FGD3: variants seen among roughly 807,000 people sequenced by gnomAD.
FGD3 encodes FYVE, RhoGEF and PH domain containing 3, also known as FYVE, RhoGEF and PH domain-containing protein 3.
FGD3 carries 45 observed loss-of-function variants against 71.8 expected under a neutral mutation model. The ratio of observed to expected loss-of-function variants is 0.63; its 90% CI spans 0.49 to 0.80. The LOEUF is 0.80. Ranked by LOEUF, FGD3 falls within the 30% of genes least tolerant of loss-of-function variation. FGD3 has a pLI of 0.00. For missense variants in FGD3, 844 were observed against 951.5 expected, an observed-to-expected ratio of 0.89 and a Z score of 1.49; for synonymous variants, 378 against 392.8, an observed-to-expected ratio of 0.96 and a Z score of 0.44.
In FGD3 at chr9:93,013,981, G is replaced by T; in HGVS notation, c.1165G>T (p.Asp389Tyr). The stretch of plus-strand genomic sequence containing the variant: ...GTCAGCCAAGAACGGCACCCCCCAG[G>T]ACCGCCACCTCTTCCTGGTGAGCCT... ...KLSAKNGTPQ[D>Y]RHLFLFNSMI... is the part of the protein sequence containing the mutation. Residue 389 changes from aspartate (D) to tyrosine (Y), a missense_variant, in exon 9 of 18, where the codon GAC (aspartate) becomes TAC (tyrosine). Physicochemically the swap from Asp to Tyr is radical, Grantham distance 160. Transcript: ENST00000375482. 6.2e-7 allele frequency: 1 copy of T among 1,608,304 alleles called. No homozygotes were observed. Among genetic ancestry groups the T allele is most frequent in the Non-Finnish European group, 8.5e-7 (1 of 1,177,542 alleles).
At chr9:93,005,349 G>C (rs1032113459) in intron 5 of FGD3, among the ~76,000 whole-genome samples, 4 of 151,794 alleles carry the variant, frequency 2.6e-5, no homozygotes, top group African/African-American at 9.7e-5. Flanking sequence ...GGATGGTCTC[G>C]ATCTCCTGAC....
At chr9:93,029,846 C>A in intron 14 of FGD3, 28 bp from the exon 15 acceptor site, 4 of 1,606,446 alleles carry the variant, frequency 2.5e-6, no homozygotes, top group Non-Finnish European at 3.4e-6. Flanking sequence ...GATTCAGAAG[C>A]TGATGGCATC....
intron 8 of FGD3, among the ~76,000 whole-genome samples, chr9:93,013,309 C>T (rs533339624): frequency 1.3e-5 from 2 of 152,368 alleles, no homozygotes; most frequent in Admixed American, 1.3e-4. Flanking sequence ...CAGACTCAGA[C>T]ATGTGGCTGT....
intron 1 of FGD3, among the ~76,000 whole-genome samples, chr9:92,962,143 C>T (rs1477128527): frequency 6.6e-6 from 1 of 152,224 alleles, no homozygotes; most frequent in African/African-American, 2.4e-5. Flanking sequence ...CGACAGGACA[C>T]TTGGCCTCAG....
At chr9:93,024,107 G>A (rs1286584415) in intron 14 of FGD3, among the ~76,000 whole-genome samples, 2 of 152,144 alleles carry the variant, frequency 1.3e-5, no homozygotes, top group South Asian at 2.1e-4. Context: ...GAATCCGCCC[G>A]TCAGCAACTT....
At position 93,015,726 on chromosome 9, in the gene FGD3, C is replaced by T; in HGVS notation, c.1183-11C>T. 6.2e-7 allele frequency: 1 copy of T among 1,613,420 alleles called. No homozygotes were observed. The highest frequency in any genetic ancestry group is 2.2e-5 in the East Asian group (1 of 44,870). ...AGCTCTCGTTCCTCACCTGTGCCAT[C>T]CCTCTTGCAGTTCAACAGCATGATC... On this transcript the variant is annotated splice_polypyrimidine_tract_variant and intron_variant, in intron 9 of 17. Coordinates refer to ENST00000375482, the MANE Select transcript of FGD3 (RefSeq NM_001083536.2).
chr9:93,017,537 G>T lies in FGD3; in HGVS notation c.1276-599G>T, dbSNP rs531147987. On this transcript the variant is annotated intron_variant, in intron 10 of 17. Transcript: ENST00000375482. ...ACATGGAACAGGCGTGAGCTACTGC[G>T]CCCGGCCATGGTCTCTGTGGTCTTA... 1.4e-4 allele frequency among the ~76,000 whole-genome samples: 21 copies of T among 152,020 alleles called. 1 individual carries two copies. The highest frequency in any genetic ancestry group is 5.1e-4 in the African/African-American group (21 of 41,382).
At chr9:92,948,049 A>T (rs1046628953) in intron 1 of FGD3, among the ~76,000 whole-genome samples, 6 of 152,118 alleles carry the variant, frequency 3.9e-5, no homozygotes, top group African/African-American at 1.4e-4. Context: ...TGAATGATTA[A>T]GTGCTGGGCT....
chr9:93,027,612 C>T (rs917609692), intron 14 of FGD3, among the ~76,000 whole-genome samples: 17 of 151,790 alleles, frequency 1.1e-4, no homozygotes, highest in Non-Finnish European at 5.9e-5. Flanking sequence ...TTTGGGGGGA[C>T]ATAGTTCAGC....
At chr9:92,972,293 A>T (rs1159647988) in intron 1 of FGD3, among the ~76,000 whole-genome samples, 1 of 151,380 alleles carries the variant, frequency 6.6e-6, no homozygotes, top group Non-Finnish European at 1.5e-5. Flanking sequence ...TACTAAAAAA[A>T]ATACAAAAAT....
At chr9:92,950,261 C>G (rs906085499) in intron 1 of FGD3, among the ~76,000 whole-genome samples, 18 of 151,948 alleles carry the variant, frequency 1.2e-4, no homozygotes, top group African/African-American at 4.3e-4. Flanking sequence ...ACTAAAAATA[C>G]AAAAAATTAG....
intron 3 of FGD3, among the ~76,000 whole-genome samples, chr9:93,001,431 A>G (rs1860854809): frequency 6.6e-6 from 1 of 152,200 alleles, no homozygotes; most frequent in South Asian, 2.1e-4. Context: ...AAAGAGCCCC[A>G]GTACCTTCAA....
At chr9:92,971,338 G>A (rs557332426) in intron 1 of FGD3, among the ~76,000 whole-genome samples, 9 of 152,004 alleles carry the variant, frequency 5.9e-5, no homozygotes, top group East Asian at 1.9e-4. Flanking sequence ...GAGGGCCTCC[G>A]ATGAGCACAG....
At chr9:92,953,656 G>T (rs998005086) in intron 1 of FGD3, among the ~76,000 whole-genome samples, 1 of 152,220 alleles carries the variant, frequency 6.6e-6, no homozygotes, top group Non-Finnish European at 1.5e-5. Flanking sequence ...CACAGTTCCA[G>T]ATCTGGGCTT....
Position 93,024,346 on chromosome 9 carries a change from C to T in FGD3, c.1557+1957C>T, listed in dbSNP as rs373576506. ...ATGAGGCACTGCCTGATCAGCCCCA[C>T]TGCCTGGAATCCCACAGCCAGGGCA... On this transcript the variant is annotated intron_variant, in intron 14 of 17. Coordinates refer to ENST00000375482, the MANE Select transcript of FGD3 (RefSeq NM_001083536.2). Among the ~76,000 whole-genome samples the T allele has an allele frequency of 6.6e-5, 10 of 152,232 alleles. No homozygotes were observed. The East Asian group carries it at 9.6e-4, about 15-fold the overall frequency.
intron 1 of FGD3, among the ~76,000 whole-genome samples, chr9:92,950,129 C>T (rs1245197430): frequency 1.3e-5 from 2 of 151,444 alleles, no homozygotes; most frequent in Non-Finnish European, 2.9e-5. Flanking sequence ...TAAAAAGAAG[C>T]AGGTGGGGCC....
chr9:93,007,779 C>T (rs1287464958), intron 6 of FGD3, among the ~76,000 whole-genome samples: 4 of 152,206 alleles, frequency 2.6e-5, no homozygotes, highest in Non-Finnish European at 5.9e-5. Context: ...CCAGCCATTC[C>T]CTGAAGGTGA....
At chr9:93,030,714 G>A (rs1862319009) in intron 15 of FGD3, among the ~76,000 whole-genome samples, 1 of 135,806 alleles carries the variant, frequency 7.4e-6, no homozygotes, top group Non-Finnish European at 1.6e-5. Flanking sequence ...TGGCGGGGGG[G>A]CAGCAGGGGG....
intron 14 of FGD3, among the ~76,000 whole-genome samples, chr9:93,029,266 C>A (rs936794868): frequency 6.6e-6 from 1 of 152,082 alleles, no homozygotes; most frequent in Non-Finnish European, 1.5e-5. Flanking sequence ...GTCTCAAACT[C>A]CTGACCTCAA....
Sources: allele counts gnomAD v4.1 joint callset (sites outside exome capture counted in the v4.1 genomes callset), GRCh38; gene constraint gnomAD v4.1.1; transcripts MANE v1.5; gene names NCBI Gene and HGNC (gene_info 2026-07-23, HGNC 2026-07-21).